Variants in CIB4 observed in about 807,000 individuals in gnomAD.
CIB4 encodes calcium and integrin binding family member 4, also known as calcium and integrin-binding family member 4.
CIB4 carries 25 observed loss-of-function variants against 25.8 expected under a neutral mutation model. That is an observed-to-expected ratio of 0.97 (90% CI 0.71 to 1.35). The LOEUF (loss-of-function observed/expected upper bound fraction) is 1.35. CIB4 is among the 40% of genes most tolerant of loss of function. CIB4 has a pLI of 0.00. For synonymous variants in CIB4, 75 were observed against 81.4 expected (o/e 0.92, Z 0.42); for missense variants, 235 against 228.2 (o/e 1.03, Z -0.19).
intron 3 of CIB4, among the ~76,000 whole-genome samples, chr2:26,601,262 A>G (rs1331959832): frequency 7.4e-6 from 1 of 134,900 alleles, no homozygotes; most frequent in Admixed American, 7.7e-5. Context: ...ATATATATAT[A>G]TATATATGCA....
chr2:26,635,042 C>T (rs1441748863), intron 2 of CIB4, among the ~76,000 whole-genome samples: 2 of 152,256 alleles, frequency 1.3e-5, no homozygotes, highest in Non-Finnish European at 2.9e-5. Context: ...CTGCAGTCAC[C>T]GCCGGAAGGG....
chr2:26,612,336 T>C (rs1290895189), intron 3 of CIB4, among the ~76,000 whole-genome samples: 1 of 152,194 alleles, frequency 6.6e-6, no homozygotes, highest in Non-Finnish European at 1.5e-5. Context: ...CATCTTTGAG[T>C]CTTAGAGCAT....
chr2:26,595,216 G>T lies in CIB4; in HGVS notation c.288C>A (p.Ala96=). ...LGMASVFSEQ[A]CPSLKIEYAF... ...CATACTCAATCTTCAGGCTTGGGCAGGCCTGCTCGCTGAACACAGATGCCA... is the reference window on the plus strand; with the variant it reads ...CATACTCAATCTTCAGGCTTGGGCATGCCTGCTCGCTGAACACAGATGCCA... Residue 96 remains alanine (A), a synonymous_variant, in exon 4 of 7, where the codon GCC becomes GCA. Transcript: ENST00000288861. The T allele has an allele frequency of 1.2e-6, 2 of 1,614,026 alleles. No individual in the cohort carries two copies. Among genetic ancestry groups the T allele is most frequent in the Non-Finnish European group, 1.7e-6 (2 of 1,179,906 alleles).
intron 1 of CIB4, 89 bp from the exon 2 acceptor site, chr2:26,640,656 G>T: frequency 7.3e-7 from 1 of 1,369,074 alleles, no homozygotes; most frequent in Non-Finnish European, 1.0e-6. Flanking sequence ...GGCTGGGGAG[G>T]AAATGCCCAT....
At chr2:26,589,069 T>TTCC (rs375837668) in intron 4 of CIB4, among the ~76,000 whole-genome samples, 5 of 64,230 alleles carry the variant, frequency 7.8e-5, no homozygotes, top group Non-Finnish European at 1.2e-4. Flanking sequence ...CCTCTTCCTC[T>TTCC]TCCTCTTCTT....
intron 3 of CIB4, among the ~76,000 whole-genome samples, chr2:26,596,962 G>A (rs1232536696): frequency 6.6e-6 from 1 of 152,154 alleles, no homozygotes; most frequent in Admixed American, 6.5e-5. Context: ...GTAGCTATTG[G>A]CAGTGTGCTA....
At chr2:26,611,499 T>C (rs1393451816) in intron 3 of CIB4, among the ~76,000 whole-genome samples, 1 of 152,216 alleles carries the variant, frequency 6.6e-6, no homozygotes, top group Non-Finnish European at 1.5e-5. Flanking sequence ...TTTGTGCAGT[T>C]TCCCCTATGA....
intron 3 of CIB4, among the ~76,000 whole-genome samples, chr2:26,602,202 T>C (rs1199084169): frequency 6.6e-6 from 1 of 152,234 alleles, no homozygotes; most frequent in Non-Finnish European, 1.5e-5. Flanking sequence ...GTATTACAAA[T>C]GCATGACAAA....
intron 3 of CIB4, among the ~76,000 whole-genome samples, chr2:26,628,557 C>A (rs569153839): frequency 2.6e-5 from 4 of 152,306 alleles, no homozygotes; most frequent in South Asian, 2.1e-4. Flanking sequence ...AGCATTCAAC[C>A]AGCCTTCTGT....
intron 3 of CIB4, among the ~76,000 whole-genome samples, chr2:26,617,777 T>G (rs1007587753): frequency 6.6e-6 from 1 of 152,196 alleles, no homozygotes; most frequent in African/African-American, 2.4e-5. Context: ...GCTCAATCCT[T>G]TGCCCTCTGG....
intron 3 of CIB4, among the ~76,000 whole-genome samples, chr2:26,617,683 A>G (rs1669119659): frequency 6.6e-6 from 1 of 152,156 alleles, no homozygotes; most frequent in Non-Finnish European, 1.5e-5. Context: ...TGGCCTAAAT[A>G]CAGGAGGAGG....
At chr2:26,629,338 T>G in intron 3 of CIB4, 72 bp downstream of exon 3, 1 of 509,796 alleles carries the variant, frequency 2.0e-6, no homozygotes, top group Non-Finnish European at 3.8e-6. Flanking sequence ...ACCCCACCCC[T>G]CCCAGCACCC....
chr2:26,626,218 G>A (rs374865873), intron 3 of CIB4, among the ~76,000 whole-genome samples: 56 of 152,212 alleles, frequency 3.7e-4, no homozygotes, highest in African/African-American at 1.2e-3. Flanking sequence ...GTCACTTGCC[G>A]AAGATCATGT....
At chr2:26,597,515 T>C (rs2148199173) in intron 3 of CIB4, among the ~76,000 whole-genome samples, 1 of 152,080 alleles carries the variant, frequency 6.6e-6, no homozygotes, top group East Asian at 1.9e-4. Context: ...ATGAAGCATA[T>C]CCAACCACAT....
intron 2 of CIB4, among the ~76,000 whole-genome samples, chr2:26,633,860 G>A (rs78980153): frequency 0.012 from 1,792 of 152,194 alleles, 31 homozygotes; most frequent in African/African-American, 0.04. Flanking sequence ...CTGACTGTCC[G>A]TGGGACCTTG....
intron 3 of CIB4, among the ~76,000 whole-genome samples, chr2:26,617,552 C>T (rs1270318007): frequency 6.6e-6 from 1 of 152,072 alleles, no homozygotes; most frequent in Non-Finnish European, 1.5e-5. Context: ...AACCATGAAG[C>T]GGTGACTAGG....
At chr2:26,634,579 T>C (rs1669495062) in intron 2 of CIB4, among the ~76,000 whole-genome samples, 1 of 152,202 alleles carries the variant, frequency 6.6e-6, no homozygotes, top group Non-Finnish European at 1.5e-5. Flanking sequence ...AACTATTTTA[T>C]AAGGATGGAA....
intron 3 of CIB4, among the ~76,000 whole-genome samples, chr2:26,602,968 T>A (rs1668821108): frequency 2.1e-5 from 3 of 145,480 alleles, no homozygotes; most frequent in South Asian, 2.2e-4. Flanking sequence ...AAGGGGAAGA[T>A]CACTTGAGCC....
chr2:26,639,206 T>C (rs1220465970), intron 2 of CIB4, among the ~76,000 whole-genome samples: 1 of 152,030 alleles, frequency 6.6e-6, no homozygotes, highest in Non-Finnish European at 1.5e-5. Context: ...TTTTTTTTTT[T>C]TAAATTATAT....
Sources: gnomAD v4.1 joint callset for allele counts (sites outside exome capture counted in the v4.1 genomes callset) on GRCh38, gnomAD v4.1.1 for gene constraint, MANE v1.5 for transcripts, NCBI Gene and HGNC (gene_info 2026-07-23, HGNC 2026-07-21) for gene names.